Variants in GNA13 observed in about 807,000 individuals in gnomAD.
The protein encoded by GNA13 is G protein subunit alpha 13.
In GNA13, 4 loss-of-function variants were observed where a neutral mutation model predicts 33.5. The observed-to-expected ratio is 0.12, with a 90% confidence interval of 0.06 to 0.27. GNA13 has a LOEUF of 0.27. GNA13 is among the 10% of genes least tolerant of loss of function. The probability of loss-of-function intolerance (pLI) is 1.00; values close to 1 mark genes in which losing one functional copy is unlikely to be tolerated. For missense variants in GNA13, 319 were observed against 487.2 expected, an observed-to-expected ratio of 0.65 and a Z score of 3.25; for synonymous variants, 176 against 183.8, an observed-to-expected ratio of 0.96 and a Z score of 0.34.
Position 65,056,561 on chromosome 17 carries a change from C to A in GNA13, c.33G>T (p.Leu11=), listed in dbSNP as rs200827295. 1 of 1,610,688 alleles carries A rather than the reference C, an allele frequency of 6.2e-7. No individual in the cohort carries two copies. The highest frequency in any genetic ancestry group is 2.2e-5 in the East Asian group (1 of 44,742). Residue 11 remains leucine (L), a synonymous_variant, in exon 1 of 4, where the codon CTG becomes CTT. Transcript: ENST00000439174. ...GCAGGCAGCCGGGGAAGCACACGGA[C>A]AGCACGGACCGCGACGGCAGGAAGT... MADFLPSRSV[L]SVCFPGCLLT...
chr17:65,020,465 A>G (rs1206745949), intron 2 of GNA13, among the ~76,000 whole-genome samples: 2 of 152,114 alleles, frequency 1.3e-5, no homozygotes, highest in Admixed American at 6.6e-5. Context: ...CTCATAGGCC[A>G]TGTGTTTGTT....
intron 2 of GNA13, among the ~76,000 whole-genome samples, chr17:65,018,898 A>G (rs1213934935): frequency 2.6e-5 from 4 of 152,160 alleles, no homozygotes; most frequent in Non-Finnish European, 4.4e-5. Context: ...CGAAACTTCC[A>G]AGCAATTTCA....
intron 1 of GNA13, among the ~76,000 whole-genome samples, chr17:65,054,485 GTTT>G (rs1194333438): frequency 6.6e-6 from 1 of 152,082 alleles, no homozygotes; most frequent in Admixed American, 6.5e-5. Flanking sequence ...TTTTGTTTTT[GTTT>G]TTTAATAGAG....
At chr17:65,018,140 G>GAT in intron 3 of GNA13, 113 bp downstream of exon 3, 1 of 129,234 alleles carries the variant, frequency 7.7e-6, no homozygotes, top group Non-Finnish European at 1.7e-5. Flanking sequence ...AAAAAAAAAA[G>GAT]AGAGAAAGAA....
intron 2 of GNA13, among the ~76,000 whole-genome samples, chr17:65,028,424 A>T (rs75022793): frequency 1.2e-4 from 18 of 151,954 alleles, no homozygotes; most frequent in African/African-American, 4.3e-4. Flanking sequence ...AAAAAAAAAA[A>T]AAATACCACC....
intron 2 of GNA13, among the ~76,000 whole-genome samples, chr17:65,027,542 T>C (rs1567820271): frequency 1.3e-5 from 2 of 152,226 alleles, no homozygotes; most frequent in East Asian, 1.9e-4. Flanking sequence ...TTCTACCTCA[T>C]ATGCAATCAT....
chr17:65,056,273 C>G lies in GNA13; in HGVS notation c.283+38G>C, dbSNP rs766316514. 6.3e-6 allele frequency: 9 copies of G among 1,428,158 alleles called. No individual in the cohort carries two copies. The East Asian group carries it at 1.9e-4, about 30-fold the overall frequency. 88.5% of individuals were successfully genotyped at this position (1,428,158 alleles called of 1,614,324 possible). ...CGCACCCGCCGCCGCCCCAGCCCCC[C>G]TGCCCTTAACCCCCGGCCCCCATTC... On this transcript the variant is annotated intron_variant, in intron 1 of 3. Coordinates refer to ENST00000439174, the MANE Select transcript of GNA13 (RefSeq NM_006572.6).
chr17:65,019,433 G>C (rs1906503246), intron 2 of GNA13, among the ~76,000 whole-genome samples: 1 of 152,178 alleles, frequency 6.6e-6, no homozygotes, highest in African/African-American at 2.4e-5. Context: ...TCCATCAACA[G>C]ATGAATGGGT....
intron 2 of GNA13, 129 bp from the exon 3 acceptor site, chr17:65,018,432 C>A (rs1233726243): frequency 1.5e-6 from 1 of 656,864 alleles, no homozygotes; most frequent in Non-Finnish European, 2.8e-6. Flanking sequence ...CAATTTCAGA[C>A]AGCTAACCTT....
chr17:65,056,504 C>A lies in GNA13; in HGVS notation c.90G>T (p.Lys30Asn). Residue 30 changes from lysine (K) to asparagine (N), a missense_variant, in exon 1 of 4, where the codon AAG becomes AAT. Transcript: ENST00000439174. ...LTSGEAEQQR[K>N]SKEIDKCLSR... ...ACAGGCATTTGTCGATCTCCTTGGA[C>A]TTGCGTTGCTGCTCGGCCTCGCCAC... 1 of 1,613,666 alleles carries A rather than the reference C, an allele frequency of 6.2e-7. No individual in the cohort carries two copies. Among genetic ancestry groups the A allele is most frequent in the Middle Eastern group, 1.7e-4 (1 of 6,060 alleles).
In GNA13 at chr17:65,053,527, T is replaced by G; in HGVS notation, c.485A>C (p.Tyr162Ser). The change falls in exon 2 of 4, where the codon TAT (tyrosine) becomes TCT (serine). Residue 162 changes from tyrosine to serine, a missense_variant. Tyr to Ser is a moderately radical substitution (Grantham distance 144). Coordinates refer to ENST00000439174, the MANE Select transcript of GNA13 (RefSeq NM_006572.6). ...CAGTTGAAATTCTCGACGCCGGTCA[T>G]AGGCATTCTGTATGCCGCTGTCTGC... ...LWADSGIQNA[Y>S]DRRREFQLGE... The G allele has an allele frequency of 6.2e-7, 1 of 1,608,380 alleles. No individual in the cohort carries two copies. The highest frequency in any genetic ancestry group is 8.5e-7 in the Non-Finnish European group (1 of 1,174,676).
Position 65,042,440 on chromosome 17 carries a change from C to T in GNA13, c.510+11062G>A, listed in dbSNP as rs555307815. ...AAGCGGTATCACTAGGCAACAAGAA[C>T]GAATGTAACACGGTGGCTGGGCACG... On this transcript the variant is annotated intron_variant, in intron 2 of 3. Coordinates refer to ENST00000439174, the MANE Select transcript of GNA13 (RefSeq NM_006572.6). Among the ~76,000 whole-genome samples, 12 of 150,916 alleles carry T rather than the reference C, an allele frequency of 8.0e-5. No individual in the cohort carries two copies. In the East Asian group the frequency reaches 9.8e-4, roughly 12 times the overall value.
chr17:65,028,099 G>A (rs996372663), intron 2 of GNA13, among the ~76,000 whole-genome samples: 7 of 152,312 alleles, frequency 4.6e-5, no homozygotes, highest in Non-Finnish European at 7.3e-5. Flanking sequence ...GGTGGCGGGT[G>A]CCTGTAGTCC....
chr17:65,025,489 A>T (rs887824312), intron 2 of GNA13, among the ~76,000 whole-genome samples: 2 of 152,208 alleles, frequency 1.3e-5, no homozygotes, highest in Non-Finnish European at 2.9e-5. Context: ...AATGGACCTG[A>T]TACTCCAGAT....
In GNA13 at chr17:65,056,624, C is replaced by T. The variant is rs749902224; in HGVS notation, c.-31G>A. 8 of 1,577,426 alleles carry T rather than the reference C, an allele frequency of 5.1e-6. No homozygotes were observed. The highest frequency in any genetic ancestry group is 4.5e-5 in the East Asian group (2 of 44,180). On this transcript the variant is annotated 5_prime_UTR_variant, in exon 1 of 4. Transcript: ENST00000439174. ...CGCCGCCGCCGCCGCCTCGGCGGGCCCCTCCGGCTCCCTCCACCTCCTCCT... is the reference window on the plus strand; with the variant it reads ...CGCCGCCGCCGCCGCCTCGGCGGGCTCCTCCGGCTCCCTCCACCTCCTCCT...
chr17:65,026,336 A>T (rs1028636242), intron 2 of GNA13, among the ~76,000 whole-genome samples: 3 of 152,210 alleles, frequency 2.0e-5, no homozygotes, highest in African/African-American at 7.2e-5. Context: ...TGACAAATAC[A>T]ATTTATCACT....
chr17:65,038,871 C>T (rs1033766807), intron 2 of GNA13, among the ~76,000 whole-genome samples: 1 of 152,198 alleles, frequency 6.6e-6, no homozygotes, highest in African/African-American at 2.4e-5. Flanking sequence ...TGTTGAATAT[C>T]TCACAACGTT....
intron 2 of GNA13, among the ~76,000 whole-genome samples, chr17:65,050,122 A>G (rs1449557139): frequency 6.6e-6 from 1 of 152,220 alleles, no homozygotes; most frequent in East Asian, 1.9e-4. Context: ...GTGAGCCACC[A>G]AAGCTTTCTG....
intron 2 of GNA13, among the ~76,000 whole-genome samples, chr17:65,043,132 A>T (rs1035010635): frequency 1.3e-5 from 2 of 152,208 alleles, no homozygotes; most frequent in Admixed American, 6.5e-5. Flanking sequence ...GAGCTCACAC[A>T]GCGAGTGGCA....
Sources: gnomAD v4.1 joint callset for allele counts (sites outside exome capture counted in the v4.1 genomes callset) on GRCh38, gnomAD v4.1.1 for gene constraint, MANE v1.5 for transcripts, NCBI Gene and HGNC (gene_info 2026-07-23, HGNC 2026-07-21) for gene names.